Variants in KRABD1 observed in about 807,000 individuals in gnomAD.
KRABD1 encodes KRAB domain containing 1.
At chr3:42,939,033 A>G in the KRABD1 span, 1 of 845,162 alleles carries the variant, frequency 1.2e-6, no homozygotes, top group East Asian at 2.7e-5. Context: ...ATTTACATAT[A>G]TATAACATAC....
At chr3:42,937,960 T>C in the KRABD1 span, 3 of 152,244 alleles carry the variant, frequency 2.0e-5, no homozygotes, top group African/African-American at 7.2e-5. Flanking sequence ...TATGTGTTTG[T>C]TTATATGCTT....
the KRABD1 span, chr3:42,937,431 T>C: frequency 6.6e-6 from 1 of 152,262 alleles, no homozygotes; most frequent in Non-Finnish European, 1.5e-5. Context: ...CAGACCTTTT[T>C]GCTTAAGTCC....
At chr3:42,941,267 G>A in the KRABD1 span, 186 of 1,586,908 alleles carry the variant, frequency 1.2e-4, no homozygotes, top group African/African-American at 1.5e-3. Flanking sequence ...ACTTCACTAC[G>A]AAGGAATGGG....
chr3:42,941,251 CTG>C, the KRABD1 span: 1 of 1,573,546 alleles, frequency 6.4e-7, no homozygotes, highest in Non-Finnish European at 8.6e-7. Context: ...GAGGACGTGG[CTG>C]TGTACTTCAC....
At chr3:42,940,182 C>A in the KRABD1 span, among the ~76,000 whole-genome samples, 41 of 152,136 alleles carry the variant, frequency 2.7e-4, no homozygotes, top group Admixed American at 5.2e-4. Flanking sequence ...AGTTCTTTTT[C>A]CCCCCATATA....
At chr3:42,938,543 C>T in the KRABD1 span, 1 of 209,602 alleles carries the variant, frequency 4.8e-6, no homozygotes, top group Admixed American at 5.1e-5. Context: ...TTCTTTTCTG[C>T]CTATAACACT....
At chr3:42,941,293 C>T in the KRABD1 span, 1 of 1,597,814 alleles carries the variant, frequency 6.3e-7, no homozygotes, top group Admixed American at 1.7e-5. Context: ...ATGGTGCCTG[C>T]CGAGAGGGCC....
At chr3:42,942,727 C>G in the KRABD1 span, 1 of 464,680 alleles carries the variant, frequency 2.2e-6, no homozygotes. Flanking sequence ...TACACATTTT[C>G]TTTTTCTGTA....
the KRABD1 span, chr3:42,938,353 A>G: frequency 2.0e-5 from 3 of 152,254 alleles, no homozygotes; most frequent in Non-Finnish European, 4.4e-5. Context: ...TTCAACTTTC[A>G]TTACTTCAGT....
chr3:42,938,401 G>A, the KRABD1 span: 2 of 152,394 alleles, frequency 1.3e-5, no homozygotes, highest in Non-Finnish European at 2.9e-5. Flanking sequence ...TAGCATAGGA[G>A]GAAAAACATG....
At chr3:42,941,387 C>T in the KRABD1 span, 16 of 1,541,858 alleles carry the variant, frequency 1.0e-5, no homozygotes, top group Admixed American at 3.9e-5. Flanking sequence ...CTGCTTGGGC[C>T]CTCAGGTTGA....
chr3:42,939,850 G>A, the KRABD1 span, among the ~76,000 whole-genome samples: 4 of 151,952 alleles, frequency 2.6e-5, no homozygotes, highest in South Asian at 2.1e-4. Flanking sequence ...ATATTTTTTC[G>A]TATTTTTTAT....
chr3:42,938,024 T>G, the KRABD1 span: 5 of 152,220 alleles, frequency 3.3e-5, no homozygotes, highest in East Asian at 9.6e-4. Flanking sequence ...AGGTGTTGTC[T>G]TTAATGCATA....
chr3:42,941,600 G>A, the KRABD1 span, among the ~76,000 whole-genome samples: 1 of 152,104 alleles, frequency 6.6e-6, no homozygotes, highest in East Asian at 1.9e-4. Flanking sequence ...GCCTAGTATT[G>A]AACCTCCAAT....
At chr3:42,940,022 A>G in the KRABD1 span, among the ~76,000 whole-genome samples, 1 of 152,190 alleles carries the variant, frequency 6.6e-6, no homozygotes, top group African/African-American at 2.4e-5. Flanking sequence ...AATGAAGTCC[A>G]GTATATCAGT....
the KRABD1 span, among the ~76,000 whole-genome samples, chr3:42,940,067 A>G: frequency 1.3e-5 from 2 of 152,240 alleles, no homozygotes; most frequent in Non-Finnish European, 2.9e-5. Context: ...TTACTCAGAC[A>G]TCATCAAGAT....
the KRABD1 span, among the ~76,000 whole-genome samples, chr3:42,940,531 C>T: frequency 7.9e-5 from 12 of 152,198 alleles, no homozygotes; most frequent in Admixed American, 7.2e-4. Context: ...TCCACTAGAG[C>T]TCTATTTCTG....
chr3:42,941,851 G>A, the KRABD1 span: 8 of 705,902 alleles, frequency 1.1e-5, no homozygotes, highest in East Asian at 2.7e-5. Context: ...TAGCTCACCC[G>A]GGAATTACTC....
At chr3:42,939,330 CT>C in the KRABD1 span, among the ~76,000 whole-genome samples, 1 of 152,198 alleles carries the variant, frequency 6.6e-6, no homozygotes. Context: ...AACATGCATT[CT>C]TTTGTATCTG....
Sources: allele counts gnomAD v4.1 joint callset (sites outside exome capture counted in the v4.1 genomes callset), GRCh38; gene constraint gnomAD v4.1.1; transcripts MANE v1.5; gene names NCBI Gene and HGNC (gene_info 2026-07-23, HGNC 2026-07-21).